The following KIAA2012 variants were observed in gnomAD, a reference collection of about 807,000 sequenced individuals.
KIAA2012 encodes the protein uncharacterized protein KIAA2012.
A neutral mutation model predicts 150.6 loss-of-function variants in KIAA2012; 125 were observed. The ratio of observed to expected loss-of-function variants is 0.83; its 90% CI spans 0.72 to 0.96. The LOEUF (loss-of-function observed/expected upper bound fraction) is 0.96. Among genes scored for constraint, KIAA2012 ranks in the 40% least tolerant of loss-of-function variants. The pLI, the probability that KIAA2012 is intolerant of heterozygous loss-of-function variation, is 0.00. For synonymous variants in KIAA2012, 462 were observed against 504.7 expected, an observed-to-expected ratio of 0.92 and a Z score of 1.13; for missense variants, 1,219 against 1,354.9, an observed-to-expected ratio of 0.90 and a Z score of 1.57.
intron 6 of KIAA2012, 74 bp downstream of exon 6, chr2:202,099,870 C>A: frequency 1.6e-6 from 2 of 1,240,350 alleles, no homozygotes; most frequent in Non-Finnish European, 2.2e-6. Context: ...GACACTGAGG[C>A]ATGCCAAACA....
At chr2:202,154,851 A>G in intron 14 of KIAA2012, 41 bp downstream of exon 14, 5 of 1,521,134 alleles carry the variant, frequency 3.3e-6, no homozygotes, top group Non-Finnish European at 4.4e-6. Context: ...TATAGACACA[A>G]ACACAGGAAT....
intron 11 of KIAA2012, among the ~76,000 whole-genome samples, chr2:202,123,491 A>G (rs1318182167): frequency 6.6e-6 from 1 of 152,124 alleles, no homozygotes; most frequent in East Asian, 1.9e-4. Flanking sequence ...TCCAGTGTTG[A>G]TGCTCAGAAT....
chr2:202,077,872 C>T (rs144030963), intron 2 of KIAA2012, among the ~76,000 whole-genome samples: 324 of 152,212 alleles, frequency 2.1e-3, no homozygotes, highest in African/African-American at 7.3e-3. Flanking sequence ...TCAGAAGCTT[C>T]GGAAAATAGA....
rs539201613 is a variant in KIAA2012 at position 202,143,129 on chromosome 2, G to A, written c.1908+4621G>A. On this transcript the variant is annotated intron_variant, in intron 13 of 23. Coordinates refer to ENST00000498697, the MANE Select transcript of KIAA2012 (RefSeq NM_001277372.4). ...AGATAGAGTCTTGCTCTGTCACCCA[G>A]GCTGGAATGCAATGGCACAAACTCG... Among the ~76,000 whole-genome samples the A allele has an allele frequency of 1.2e-3, 171 of 145,654 alleles. 1 individual carries two copies. The highest frequency in any genetic ancestry group is 2.2e-3 in the Non-Finnish European group (147 of 67,212).
chr2:202,110,225 G>T (rs776128446), intron 10 of KIAA2012, among the ~76,000 whole-genome samples: 2 of 152,166 alleles, frequency 1.3e-5, no homozygotes, highest in Non-Finnish European at 2.9e-5. Flanking sequence ...TCACAGAGAC[G>T]GAAAGACCCT....
At chr2:202,093,498 T>G (rs1413663130) in intron 4 of KIAA2012, among the ~76,000 whole-genome samples, 3 of 152,236 alleles carry the variant, frequency 2.0e-5, no homozygotes, top group Admixed American at 2.0e-4. Flanking sequence ...AATAACCACA[T>G]GCAGCTGGTG....
At chr2:202,166,518 T>C (rs2105724107) in intron 15 of KIAA2012, among the ~76,000 whole-genome samples, 1 of 152,126 alleles carries the variant, frequency 6.6e-6, no homozygotes, top group East Asian at 1.9e-4. Context: ...CTGGGCATGG[T>C]AGCACATGCC....
Position 202,082,987 on chromosome 2 carries a change from C to T in KIAA2012, c.370-7783C>T, listed in dbSNP as rs186042615. On this transcript the variant is annotated intron_variant, in intron 2 of 23. Transcript: ENST00000498697. ...GAGTCATCAAGACAGGATTACAAAT[C>T]CAGGCAGATTGAGCTCTCGTAGGAC... Among the ~76,000 whole-genome samples, 390 of 152,148 alleles carry T rather than the reference C, an allele frequency of 2.6e-3. 3 individuals are homozygous for T. Among genetic ancestry groups the T allele is most frequent in the Middle Eastern group, 6.8e-3 (2 of 294 alleles).
chr2:202,147,493 G>A (rs1691325649), intron 13 of KIAA2012, among the ~76,000 whole-genome samples: 1 of 152,176 alleles, frequency 6.6e-6, no homozygotes, highest in South Asian at 2.1e-4. Flanking sequence ...AAGGGGTCAG[G>A]AAAGTGTGGA....
chr2:202,192,155 G>A (rs903376095), intron 19 of KIAA2012, among the ~76,000 whole-genome samples: 3 of 152,126 alleles, frequency 2.0e-5, no homozygotes, highest in South Asian at 2.1e-4. Flanking sequence ...CTGAACCTGC[G>A]GGATCATCAG....
intron 12 of KIAA2012, among the ~76,000 whole-genome samples, chr2:202,132,803 T>TATATATA (rs200904433): frequency 1.5e-5 from 1 of 68,750 alleles, no homozygotes. Context: ...TATATATATA[T>TATATATA]TTTTTTTTTC....
chr2:202,199,343 G>A (rs1174685094), intron 22 of KIAA2012, among the ~76,000 whole-genome samples: 1 of 152,070 alleles, frequency 6.6e-6, no homozygotes, highest in Non-Finnish European at 1.5e-5. Context: ...CACAATGTTG[G>A]CTTACTGCAA....
At chr2:202,143,734 A>T (rs946952022) in intron 13 of KIAA2012, among the ~76,000 whole-genome samples, 1 of 152,220 alleles carries the variant, frequency 6.6e-6, no homozygotes, top group African/African-American at 2.4e-5. Flanking sequence ...TTAGCAAATT[A>T]TCATTGGTTT....
intron 10 of KIAA2012, 84 bp from the exon 11 acceptor site, chr2:202,113,252 G>A (rs996215702): frequency 5.9e-6 from 6 of 1,017,850 alleles, no homozygotes; most frequent in Non-Finnish European, 8.9e-6. Flanking sequence ...GCCCGCGGGG[G>A]ACCAGGGGAA....
chr2:202,173,700 A>T (rs1691940391), intron 15 of KIAA2012, among the ~76,000 whole-genome samples: 1 of 152,246 alleles, frequency 6.6e-6, no homozygotes, highest in Non-Finnish European at 1.5e-5. Context: ...CAATACACAC[A>T]ACTGAATTTG....
chr2:202,110,062 C>T (rs1690306188), intron 10 of KIAA2012, among the ~76,000 whole-genome samples: 1 of 152,160 alleles, frequency 6.6e-6, no homozygotes, highest in East Asian at 1.9e-4. Context: ...TGACACAGCT[C>T]CCTGTGCTCC....
intron 13 of KIAA2012, among the ~76,000 whole-genome samples, chr2:202,141,134 GC>G: frequency 6.6e-6 from 1 of 152,280 alleles, no homozygotes; most frequent in East Asian, 1.9e-4. Flanking sequence ...TTCTGCAGAG[GC>G]CCTACCGCTG....
intron 2 of KIAA2012, chr2:202,077,051 T>C (rs1480507593): frequency 2.2e-6 from 1 of 457,324 alleles, no homozygotes; most frequent in Non-Finnish European, 4.4e-6. Flanking sequence ...ATTACCTCTG[T>C]GATACAGCTC....
intron 4 of KIAA2012, among the ~76,000 whole-genome samples, chr2:202,095,103 A>G (rs1445204753): frequency 6.6e-6 from 1 of 152,164 alleles, no homozygotes; most frequent in Non-Finnish European, 1.5e-5. Flanking sequence ...GGCACATACT[A>G]TGTGCTCAAT....
Sources: gnomAD v4.1 joint callset for allele counts (sites outside exome capture counted in the v4.1 genomes callset) on GRCh38, gnomAD v4.1.1 for gene constraint, MANE v1.5 for transcripts, NCBI Gene and HGNC (gene_info 2026-07-23, HGNC 2026-07-21) for gene names.